Variants in PIK3C2G observed in about 807,000 individuals in gnomAD.
The protein encoded by PIK3C2G is phosphatidylinositol-4-phosphate 3-kinase catalytic subunit type 2 gamma.
A neutral mutation model predicts 181.1 loss-of-function variants in PIK3C2G; 168 were observed. The ratio of observed to expected loss-of-function variants is 0.93; its 90% confidence interval spans 0.82 to 1.05. PIK3C2G has a LOEUF of 1.05. PIK3C2G is among the 50% of genes least tolerant of loss of function. PIK3C2G has a pLI of 0.00. For synonymous variants in PIK3C2G, 573 were observed against 592.2 expected (o/e 0.97, Z 0.47); for missense variants, 1,869 against 1,732.8 (o/e 1.08, Z -1.40).
intron 18 of PIK3C2G, among the ~76,000 whole-genome samples, chr12:18,448,803 G>T (rs1947171742): frequency 6.6e-6 from 1 of 151,276 alleles, no homozygotes; most frequent in African/African-American, 2.4e-5. Flanking sequence ...CAAATTATAT[G>T]TATATATTAT....
At chr12:18,297,099 A>G (rs1949972519) in intron 5 of PIK3C2G, among the ~76,000 whole-genome samples, 1 of 151,994 alleles carries the variant, frequency 6.6e-6, no homozygotes, top group Non-Finnish European at 1.5e-5. Context: ...TTCCTATTGA[A>G]TGTAGCACAG....
intron 30 of PIK3C2G, among the ~76,000 whole-genome samples, chr12:18,595,637 A>T (rs1212468482): frequency 6.6e-6 from 1 of 152,114 alleles, no homozygotes; most frequent in Non-Finnish European, 1.5e-5. Context: ...TTCTCTAGTT[A>T]AACCTTCTCT....
At chr12:18,413,495 A>T (rs1157946784) in intron 16 of PIK3C2G, among the ~76,000 whole-genome samples, 1 of 152,184 alleles carries the variant, frequency 6.6e-6, no homozygotes, top group Non-Finnish European at 1.5e-5. Flanking sequence ...TTCCCAAGAA[A>T]TAATGAAATT....
chr12:18,633,531 C>T (rs980137948), intron 31 of PIK3C2G, among the ~76,000 whole-genome samples: 6 of 152,146 alleles, frequency 3.9e-5, no homozygotes, highest in African/African-American at 7.2e-5. Flanking sequence ...GGGTCTGGGC[C>T]GTTAGTGATC....
chr12:18,299,370 T>C (rs1427275559), intron 5 of PIK3C2G, among the ~76,000 whole-genome samples: 1 of 151,982 alleles, frequency 6.6e-6, no homozygotes, highest in Non-Finnish European at 1.5e-5. Flanking sequence ...AAAAATGTTA[T>C]TAATTTTTGT....
chr12:18,633,685 TAGTC>T (rs1286742927), intron 31 of PIK3C2G, among the ~76,000 whole-genome samples: 1 of 152,212 alleles, frequency 6.6e-6, no homozygotes, highest in Non-Finnish European at 1.5e-5. Context: ...TTGCCCTTGT[TAGTC>T]AGGATCAATC....
At chr12:18,623,149 T>G (rs1160791921) in intron 31 of PIK3C2G, among the ~76,000 whole-genome samples, 1 of 151,874 alleles carries the variant, frequency 6.6e-6, no homozygotes, top group African/African-American at 2.4e-5. Flanking sequence ...TTTCTCTGAC[T>G]TTTCTTCTCA....
intron 18 of PIK3C2G, among the ~76,000 whole-genome samples, chr12:18,477,959 G>A (rs1403874838): frequency 6.6e-6 from 1 of 152,170 alleles, no homozygotes; most frequent in Non-Finnish European, 1.5e-5. Context: ...ACAAAAGGCT[G>A]AGGGGTAAAG....
intron 31 of PIK3C2G, among the ~76,000 whole-genome samples, chr12:18,633,856 G>A (rs1949471511): frequency 6.6e-6 from 1 of 152,162 alleles, no homozygotes; most frequent in Admixed American, 6.5e-5. Context: ...TCGGTTTAGA[G>A]GAACTAAGAT....
chr12:18,461,031 A>AGT (rs1446302467), intron 18 of PIK3C2G, among the ~76,000 whole-genome samples: 1 of 152,170 alleles, frequency 6.6e-6, no homozygotes, highest in Admixed American at 6.5e-5. Context: ...GTTAGCCTTT[A>AGT]GTGTACCTCA....
chr12:18,521,245 C>T (rs1453681418), intron 24 of PIK3C2G, among the ~76,000 whole-genome samples: 3 of 152,176 alleles, frequency 2.0e-5, no homozygotes, highest in African/African-American at 7.2e-5. Context: ...GGGAGCAGGA[C>T]TCGTTTAACG....
chr12:18,704,805 G>A, the PIK3C2G span, among the ~76,000 whole-genome samples: 1 of 152,136 alleles, frequency 6.6e-6, no homozygotes, highest in Non-Finnish European at 1.5e-5. Flanking sequence ...CCCAGCTGTT[G>A]AGATATTGGG....
the PIK3C2G span, among the ~76,000 whole-genome samples, chr12:18,656,274 C>T: frequency 4.6e-5 from 7 of 152,094 alleles, no homozygotes; most frequent in Middle Eastern, 3.4e-3. Context: ...ACCAAAAAAG[C>T]ATTAAAAAAT....
At chr12:18,368,630 A>C (rs1456477877) in intron 12 of PIK3C2G, among the ~76,000 whole-genome samples, 1 of 152,146 alleles carries the variant, frequency 6.6e-6, no homozygotes, top group African/African-American at 2.4e-5. Flanking sequence ...ATTCGTCTTT[A>C]ATTCTTTATT....
At chr12:18,468,782 C>T (rs1938163760) in intron 18 of PIK3C2G, among the ~76,000 whole-genome samples, 2 of 152,076 alleles carry the variant, frequency 1.3e-5, no homozygotes, top group South Asian at 4.1e-4. Context: ...CTGTAAGTGC[C>T]TCTGTGAATT....
intron 29 of PIK3C2G, among the ~76,000 whole-genome samples, chr12:18,567,647 C>A (rs1945708141): frequency 6.6e-6 from 1 of 151,660 alleles, no homozygotes; most frequent in Admixed American, 6.6e-5. Context: ...GAGAAGAGGG[C>A]ATCTGAGCCG....
chr12:18,438,487 G>A (rs949586839), intron 18 of PIK3C2G, among the ~76,000 whole-genome samples: 6 of 151,978 alleles, frequency 3.9e-5, no homozygotes, highest in South Asian at 2.1e-4. Context: ...TATGGTACAC[G>A]TAGTATAGTT....
intron 18 of PIK3C2G, among the ~76,000 whole-genome samples, chr12:18,455,376 G>C (rs758851406): frequency 2.0e-5 from 3 of 152,068 alleles, no homozygotes; most frequent in Admixed American, 6.6e-5. Context: ...TGGTGGAGAA[G>C]AGTCAAGAAT....
intron 8 of PIK3C2G, among the ~76,000 whole-genome samples, chr12:18,333,458 C>T (rs547714739): frequency 1.3e-5 from 2 of 152,048 alleles, no homozygotes; most frequent in African/African-American, 2.4e-5. Flanking sequence ...CACCGACAGG[C>T]CCGGTGTGTG....
Sources: gnomAD v4.1 joint callset for allele counts (sites outside exome capture counted in the v4.1 genomes callset) on GRCh38, gnomAD v4.1.1 for gene constraint, MANE v1.5 for transcripts, NCBI Gene and HGNC (gene_info 2026-07-23, HGNC 2026-07-21) for gene names.